SLC4A10: variants seen among roughly 807,000 people sequenced by gnomAD.
SLC4A10 encodes sodium-driven chloride bicarbonate exchanger.
Under a neutral mutation model 137.7 loss-of-function variants are expected in SLC4A10, and 42 were observed. That is an observed-to-expected ratio of 0.30 (90% CI 0.24 to 0.39). The LOEUF (loss-of-function observed/expected upper bound fraction) is 0.39. SLC4A10 is among the 10% of genes least tolerant of loss of function. The probability of loss-of-function intolerance (pLI) is 1.00; values close to 1 mark genes in which losing one functional copy is unlikely to be tolerated. For missense variants in SLC4A10, 925 were observed against 1,355.0 expected, an observed-to-expected ratio of 0.68 and a Z score of 4.98; for synonymous variants, 474 against 464.1, an observed-to-expected ratio of 1.02 and a Z score of -0.27.
chr2:161,910,741 C>G (rs72865260), intron 15 of SLC4A10, among the ~76,000 whole-genome samples: 10,175 of 151,784 alleles, frequency 0.067, 443 homozygotes, highest in East Asian at 0.13. Context: ...TTCTTTTTCT[C>G]TTTTTTGTTT....
intron 1 of SLC4A10, among the ~76,000 whole-genome samples, chr2:161,716,279 T>C (rs757053581): frequency 6.6e-6 from 1 of 152,070 alleles, no homozygotes; most frequent in Non-Finnish European, 1.5e-5. Flanking sequence ...TTCTGTAGGT[T>C]GTCTGTTTTC....
chr2:161,883,739 C>T (rs1208279612), intron 10 of SLC4A10, among the ~76,000 whole-genome samples: 1 of 152,034 alleles, frequency 6.6e-6, no homozygotes, highest in Non-Finnish European at 1.5e-5. Context: ...TGGCAATAGA[C>T]CTTTGTTCTC....
At chr2:161,920,077 A>G (rs1166809300) in intron 15 of SLC4A10, among the ~76,000 whole-genome samples, 1 of 152,218 alleles carries the variant, frequency 6.6e-6, no homozygotes, top group Non-Finnish European at 1.5e-5. Flanking sequence ...GACTGTGCAC[A>G]GTGGCCAGAC....
chr2:161,651,693 G>A (rs1015510134), intron 1 of SLC4A10, among the ~76,000 whole-genome samples: 3 of 152,222 alleles, frequency 2.0e-5, no homozygotes, highest in Non-Finnish European at 4.4e-5. Flanking sequence ...AGCCTTGCAC[G>A]GAGCTAGCAC....
intron 1 of SLC4A10, among the ~76,000 whole-genome samples, chr2:161,705,244 A>C (rs189084436): frequency 3.3e-5 from 5 of 151,640 alleles, no homozygotes; most frequent in African/African-American, 7.2e-5. Flanking sequence ...GAAAACTAGG[A>C]AACAGGAATT....
intron 3 of SLC4A10, among the ~76,000 whole-genome samples, chr2:161,813,721 A>G (rs1385856816): frequency 6.6e-6 from 1 of 152,106 alleles, no homozygotes; most frequent in African/African-American, 2.4e-5. Flanking sequence ...TCATCTTACA[A>G]GTATTTCATG....
intron 1 of SLC4A10, among the ~76,000 whole-genome samples, chr2:161,762,266 T>A (rs1285339285): frequency 6.6e-6 from 1 of 152,004 alleles, no homozygotes; most frequent in Non-Finnish European, 1.5e-5. Flanking sequence ...TAAATATGAG[T>A]TTAAAAACCT....
chr2:161,745,212 A>AT (rs1559154739), intron 1 of SLC4A10, among the ~76,000 whole-genome samples: 1 of 152,084 alleles, frequency 6.6e-6, no homozygotes, highest in Admixed American at 6.6e-5. Flanking sequence ...TTTTGGGGCT[A>AT]TAGTCTAGAT....
chr2:161,743,929 A>G (rs2048163664), intron 1 of SLC4A10, among the ~76,000 whole-genome samples: 2 of 151,998 alleles, frequency 1.3e-5, no homozygotes. Context: ...TTTCTTTTTC[A>G]GTTTGTCTGT....
intron 3 of SLC4A10, among the ~76,000 whole-genome samples, chr2:161,834,164 GTA>G (rs1450575407): frequency 6.6e-6 from 1 of 152,156 alleles, no homozygotes; most frequent in African/African-American, 2.4e-5. Flanking sequence ...TTTAATTCTT[GTA>G]TAGCTAACTG....
chr2:161,763,819 G>T lies in SLC4A10; in HGVS notation c.49-7154G>T, dbSNP rs192079064. ...AAAGAGTGCTAAGCAGATTTATAAG[G>T]GTTAATAGAGGATATATGGTACATC... is the stretch of plus-strand genomic sequence containing the variant. On this transcript the variant is annotated intron_variant, in intron 1 of 26. Transcript: ENST00000446997. Among the ~76,000 whole-genome samples the T allele has an allele frequency of 1.5e-3, 224 of 152,120 alleles. 1 individual carries two copies. The highest frequency in any genetic ancestry group is 5.2e-3 in the African/African-American group (215 of 41,514).
At chr2:161,624,610 C>T in intron 1 of SLC4A10, 44 bp downstream of exon 1, 1 of 1,551,038 alleles carries the variant, frequency 6.4e-7, no homozygotes, top group Non-Finnish European at 8.7e-7. Flanking sequence ...GCGTTTGCTG[C>T]AAAACCTGTT....
chr2:161,654,053 T>C (rs998283603), intron 1 of SLC4A10, among the ~76,000 whole-genome samples: 4 of 152,218 alleles, frequency 2.6e-5, no homozygotes, highest in African/African-American at 9.6e-5. Context: ...TGTTATCTTT[T>C]GTTTTTTTGA....
At chr2:161,916,577 G>A (rs866102415) in intron 15 of SLC4A10, among the ~76,000 whole-genome samples, 3 of 152,100 alleles carry the variant, frequency 2.0e-5, no homozygotes, top group Non-Finnish European at 2.9e-5. Context: ...AAAGCCAAAG[G>A]GCTTCTGTGA....
chr2:161,836,578 AAG>A (rs2058814023), intron 3 of SLC4A10, among the ~76,000 whole-genome samples: 1 of 128,776 alleles, frequency 7.8e-6, no homozygotes, highest in Admixed American at 7.6e-5. Flanking sequence ...GAAAGAAAGA[AAG>A]AAAGAAAGAA....
At chr2:161,832,012 T>C (rs1318071616) in intron 3 of SLC4A10, among the ~76,000 whole-genome samples, 1 of 152,170 alleles carries the variant, frequency 6.6e-6, no homozygotes, top group Non-Finnish European at 1.5e-5. Flanking sequence ...ATATAGATAG[T>C]GTCTCTCTCT....
At chr2:161,947,482 A>G (rs1694037140) in intron 16 of SLC4A10, 84 bp from the exon 17 acceptor site, 1 of 1,376,984 alleles carries the variant, frequency 7.3e-7, no homozygotes, top group East Asian at 2.4e-5. Flanking sequence ...TCTGAACTAC[A>G]ATTGATCAGA....
At chr2:161,672,537 A>T (rs2105795838) in intron 1 of SLC4A10, among the ~76,000 whole-genome samples, 1 of 151,854 alleles carries the variant, frequency 6.6e-6, no homozygotes, top group Non-Finnish European at 1.5e-5. Flanking sequence ...TTTAGAGACC[A>T]CAGTCTTTCT....
intron 6 of SLC4A10, 92 bp from the exon 7 acceptor site, chr2:161,872,201 T>G: frequency 2.6e-6 from 2 of 768,884 alleles, no homozygotes; most frequent in South Asian, 4.4e-5. Context: ...AAGAAACCTG[T>G]TAGTCTAGTT....
Sources: gnomAD v4.1 joint callset for allele counts (sites outside exome capture counted in the v4.1 genomes callset) on GRCh38, gnomAD v4.1.1 for gene constraint, MANE v1.5 for transcripts, NCBI Gene and HGNC (gene_info 2026-07-23, HGNC 2026-07-21) for gene names.